Variants in ZFPM2 observed in about 807,000 individuals in gnomAD.
The protein encoded by ZFPM2 is zinc finger protein, FOG family member 2.
A neutral mutation model predicts 98.6 loss-of-function variants in ZFPM2; 20 were observed. The ratio of observed to expected loss-of-function variants is 0.20; its 90% confidence interval spans 0.14 to 0.29. The LOEUF is 0.29. Ranked by LOEUF, ZFPM2 falls within the 10% of genes least tolerant of loss-of-function variation. The pLI is 1.00. For missense variants in ZFPM2, 1,310 were observed against 1,388.6 expected (o/e 0.94, Z 0.90); for synonymous variants, 518 against 502.7 (o/e 1.03, Z -0.41).
Position 105,801,634 on chromosome 8 carries a change from G to A in ZFPM2, c.1552G>A (p.Ala518Thr), listed in dbSNP as rs267608263. ...GGTCCCTCAAGCTTCAGAGATCTTA[G>A]CTAAGATGTCTGAACTGGTGCATCG... ...TMVPQASEIL[A>T]KMSELVHRRL... Residue 518 changes from alanine (A) to threonine (T), a missense_variant, in exon 8 of 8, where the codon GCT becomes ACT. Transcript: ENST00000407775. 1 of 1,613,650 alleles carries A rather than the reference G, an allele frequency of 6.2e-7. No homozygotes were observed. Among genetic ancestry groups the A allele is most frequent in the Non-Finnish European group, 8.5e-7 (1 of 1,179,858 alleles).
At chr8:105,559,233 T>G (rs1215777933) in intron 3 of ZFPM2, among the ~76,000 whole-genome samples, 1 of 152,202 alleles carries the variant, frequency 6.6e-6, no homozygotes, top group Non-Finnish European at 1.5e-5. Flanking sequence ...TGTCTTTCCA[T>G]AGTTTCTGGA....
chr8:105,321,604 T>G (rs1035329107), intron 1 of ZFPM2, among the ~76,000 whole-genome samples: 2 of 152,166 alleles, frequency 1.3e-5, no homozygotes, highest in Non-Finnish European at 2.9e-5. Context: ...GCACAGTTTT[T>G]TTTTTCTTTT....
intron 3 of ZFPM2, among the ~76,000 whole-genome samples, chr8:105,470,207 A>G (rs1036762902): frequency 1.3e-5 from 2 of 151,590 alleles, no homozygotes; most frequent in Non-Finnish European, 2.9e-5. Flanking sequence ...TTTTAAATTT[A>G]TTTTTTGAGA....
At chr8:105,693,807 T>C (rs1810947688) in intron 5 of ZFPM2, among the ~76,000 whole-genome samples, 1 of 152,092 alleles carries the variant, frequency 6.6e-6, no homozygotes, top group Admixed American at 6.6e-5. Context: ...ATGGGGTACA[T>C]GTGATATCTC....
At chr8:105,728,965 G>A (rs1030370025) in intron 5 of ZFPM2, among the ~76,000 whole-genome samples, 1 of 151,596 alleles carries the variant, frequency 6.6e-6, no homozygotes, top group Non-Finnish European at 1.5e-5. Flanking sequence ...TGGATAAGAA[G>A]GCTTTGAGTG....
At chr8:105,751,428 A>G (rs1251619344) in intron 5 of ZFPM2, among the ~76,000 whole-genome samples, 1 of 152,074 alleles carries the variant, frequency 6.6e-6, no homozygotes, top group African/African-American at 2.4e-5. Flanking sequence ...ACAATAACAC[A>G]TCCTTCCTGG....
At chr8:105,386,757 G>T (rs1051641569) in intron 1 of ZFPM2, among the ~76,000 whole-genome samples, 2 of 152,126 alleles carry the variant, frequency 1.3e-5, no homozygotes, top group Non-Finnish European at 2.9e-5. Flanking sequence ...CTGCTGATTG[G>T]TCCATTTTAC....
chr8:105,557,016 G>A (rs1167938476), intron 3 of ZFPM2, among the ~76,000 whole-genome samples: 2 of 152,080 alleles, frequency 1.3e-5, no homozygotes, highest in East Asian at 3.9e-4. Context: ...GAGCCACCAT[G>A]TCTGGCCTCT....
chr8:105,610,129 G>T (rs1816278810), intron 4 of ZFPM2, among the ~76,000 whole-genome samples: 1 of 152,094 alleles, frequency 6.6e-6, no homozygotes, highest in Non-Finnish European at 1.5e-5. Flanking sequence ...GGGTAGTTCT[G>T]GGCAGCAAAA....
Position 105,561,472 on chromosome 8 carries a change from T to C in ZFPM2, c.411T>C (p.Asn137=), listed in dbSNP as rs1815135185. ...GPFPGKMDLN[N]NSLKTKAQVP... Reference sequence around the variant, plus strand: ...TTCCTGGGAAGATGGACTTGAATAATAATTCTTTGGTATGTGGATATTCCG... The same window carrying C: ...TTCCTGGGAAGATGGACTTGAATAACAATTCTTTGGTATGTGGATATTCCG... Residue 137 remains asparagine, a synonymous_variant, in exon 4 of 8, where the codon AAT becomes AAC. Transcript: ENST00000407775. 1 of 1,610,856 alleles carries C rather than the reference T, an allele frequency of 6.2e-7. No homozygotes were observed. The highest frequency in any genetic ancestry group is 1.1e-5 in the South Asian group (1 of 90,780).
At chr8:105,331,197 A>G (rs1299864846) in intron 1 of ZFPM2, among the ~76,000 whole-genome samples, 1 of 151,040 alleles carries the variant, frequency 6.6e-6, no homozygotes, top group African/African-American at 2.4e-5. Flanking sequence ...ACATATATAT[A>G]CACCCAGTTA....
chr8:105,756,818 C>T (rs1420504646), intron 5 of ZFPM2, among the ~76,000 whole-genome samples: 1 of 152,030 alleles, frequency 6.6e-6, no homozygotes, highest in Non-Finnish European at 1.5e-5. Context: ...GAGATGTATT[C>T]TGTTGTGCTC....
intron 2 of ZFPM2, among the ~76,000 whole-genome samples, chr8:105,443,150 A>T (rs1465739864): frequency 6.6e-6 from 1 of 151,864 alleles, no homozygotes; most frequent in Non-Finnish European, 1.5e-5. Flanking sequence ...CTCTACTAAA[A>T]ATACAAAAAT....
intron 3 of ZFPM2, among the ~76,000 whole-genome samples, chr8:105,453,209 A>G (rs543272031): frequency 6.6e-6 from 1 of 152,218 alleles, no homozygotes; most frequent in Non-Finnish European, 1.5e-5. Flanking sequence ...ACTCAGTGGT[A>G]GGCCCTAGGA....
intron 3 of ZFPM2, among the ~76,000 whole-genome samples, chr8:105,543,407 A>T (rs186511302): frequency 9.9e-4 from 150 of 152,276 alleles, no homozygotes; most frequent in African/African-American, 3.1e-3. Flanking sequence ...GATCACTTGA[A>T]CCCAGAAGGC....
chr8:105,596,190 G>A (rs1378243041), intron 4 of ZFPM2, among the ~76,000 whole-genome samples: 6 of 151,980 alleles, frequency 3.9e-5, no homozygotes, highest in Non-Finnish European at 7.4e-5. Flanking sequence ...AATATGTTTG[G>A]CTCTCTGATC....
At chr8:105,378,577 A>C (rs1810777657) in intron 1 of ZFPM2, among the ~76,000 whole-genome samples, 1 of 152,176 alleles carries the variant, frequency 6.6e-6, no homozygotes, top group African/African-American at 2.4e-5. Flanking sequence ...CGCTCGGTAA[A>C]TATTTATTTT....
intron 5 of ZFPM2, among the ~76,000 whole-genome samples, chr8:105,743,033 C>T (rs913384722): frequency 6.6e-6 from 1 of 151,932 alleles, no homozygotes; most frequent in Admixed American, 6.6e-5. Flanking sequence ...CCATCACAAG[C>T]AGTGATAGTA....
At chr8:105,646,534 A>G (rs941506200) in intron 5 of ZFPM2, among the ~76,000 whole-genome samples, 14 of 152,092 alleles carry the variant, frequency 9.2e-5, no homozygotes, top group African/African-American at 3.4e-4. Context: ...ATCTGCTAGC[A>G]GACTTAGGAT....
Sources: allele counts gnomAD v4.1 joint callset (sites outside exome capture counted in the v4.1 genomes callset), GRCh38; gene constraint gnomAD v4.1.1; transcripts MANE v1.5; gene names NCBI Gene and HGNC (gene_info 2026-07-23, HGNC 2026-07-21).